LARP7: variants seen among roughly 807,000 people sequenced by gnomAD.
The protein encoded by LARP7 is la-related protein 7.
LARP7 carries 52 observed loss-of-function variants against 69.3 expected under a neutral mutation model. The observed-to-expected ratio is 0.75, with a 90% CI of 0.60 to 0.95. LARP7 has a LOEUF of 0.95. Ranked by LOEUF, LARP7 falls within the 40% of genes least tolerant of loss-of-function variation. The pLI, the probability that LARP7 is intolerant of heterozygous loss-of-function variation, is 0.00. For synonymous variants in LARP7, 254 were observed against 215.9 expected (o/e 1.18, Z -1.55); for missense variants, 733 against 673.0 (o/e 1.09, Z -0.99).
Position 112,654,133 on chromosome 4 carries a change from C to T in LARP7, c.1642C>T (p.Arg548Trp), listed in dbSNP as rs1429060702. ...VDRQAKLNQP[R>W]EKKRGTEKLI... is the part of the protein sequence containing the mutation. ...TAGACAGGCAAAACTTAATCAGCCT[C>T]GGGAAAAGAAAAGAGGCACTGAAAA... The change falls in exon 12 of 13, where the codon CGG (arginine) becomes TGG (tryptophan). Residue 548 changes from arginine to tryptophan, a missense_variant. Coordinates refer to ENST00000344442, the MANE Select transcript of LARP7 (RefSeq NM_016648.4). 3.1e-6 allele frequency: 5 copies of T among 1,613,616 alleles called. No individual in the cohort carries two copies. Among genetic ancestry groups the T allele is most frequent in the South Asian group, 1.1e-5 (1 of 91,074 alleles).
chr4:112,651,783 A>C (rs1320557486), intron 10 of LARP7, among the ~76,000 whole-genome samples: 1 of 152,194 alleles, frequency 6.6e-6, no homozygotes, highest in Non-Finnish European at 1.5e-5. Flanking sequence ...GTTTTAAATC[A>C]AGAGATTAGC....
Position 112,647,531 on chromosome 4 carries a change from G to T in LARP7, c.979G>T (p.Ala327Ser). 1 of 1,603,444 alleles carries T rather than the reference G, an allele frequency of 6.2e-7. No individual in the cohort carries two copies. Among genetic ancestry groups the T allele is most frequent in the Non-Finnish European group, 8.5e-7 (1 of 1,176,146 alleles). ...QKDIIKEASE[A>S]SKENRDIEIS... The stretch of plus-strand genomic sequence containing the variant: ...AGACATCATTAAGGAAGCATCAGAA[G>T]CTTCCAAGGAAAATAGAGGTAAAAC... Residue 327 changes from alanine to serine, a missense_variant, in exon 7 of 13, where the codon GCT becomes TCT. Ala to Ser is a moderately conservative substitution (Grantham distance 99). Coordinates refer to ENST00000344442, the MANE Select transcript of LARP7 (RefSeq NM_016648.4).
intron 1 of LARP7, among the ~76,000 whole-genome samples, chr4:112,639,520 G>A (rs749984927): frequency 2.0e-5 from 3 of 151,874 alleles, no homozygotes; most frequent in East Asian, 1.9e-4. Flanking sequence ...GTGAGCCACC[G>A]CGCCTGGCCA....
intron 12 of LARP7, 63 bp downstream of exon 12, chr4:112,654,222 G>T: frequency 9.2e-7 from 1 of 1,086,246 alleles, no homozygotes; most frequent in Admixed American, 1.9e-5. Context: ...GCCAAAGTCA[G>T]TACTAGGTAG....
rs780254262 is a variant in LARP7, at chr4:112,644,863, G to A, written c.194G>A (p.Arg65Lys). 2 of 1,567,250 alleles carry A rather than the reference G, an allele frequency of 1.3e-6. No individual in the cohort carries two copies. The highest frequency in any genetic ancestry group is 1.8e-5 in the Admixed American group (1 of 56,654). ...CTTCGAGAACAGATAGAAAAATCTA[G>A]AGATGGATGTAAGTTTGCTTCAGTA... Reference protein sequence around the residue: ...RFLREQIEKSRDGYVDISLLV... With the variant: ...RFLREQIEKSKDGYVDISLLV... The change falls in exon 2 of 13, where the codon AGA (arginine) becomes AAA (lysine). Residue 65 changes from arginine to lysine, a missense_variant. Transcript: ENST00000344442.
In LARP7 at chr4:112,652,295, C is replaced by T. The variant is rs571840993; in HGVS notation, c.1417-782C>T. Among the ~76,000 whole-genome samples, 213 of 87,352 alleles carry T rather than the reference C, an allele frequency of 2.4e-3. 3 individuals carry two copies. Among genetic ancestry groups the T allele is most frequent in the Middle Eastern group, 0.014 (2 of 148 alleles). 57.3% of individuals were successfully genotyped at this position (87,352 alleles called of 152,430 possible). A position where few individuals can be genotyped will look rare whatever the true frequency, so the allele number is the denominator to read the frequency against. On this transcript the variant is annotated intron_variant, in intron 10 of 12. Transcript: ENST00000344442. Reference sequence around the variant, plus strand: ...AGGGAGGCAAGATAAATAAGATTTCCCCCCCCCCCCCATTTAGCAATCTCC... The same window carrying T: ...AGGGAGGCAAGATAAATAAGATTTCTCCCCCCCCCCCATTTAGCAATCTCC...
Position 112,649,606 on chromosome 4 carries a change from C to A in LARP7, c.1214C>A (p.Thr405Lys). 1 of 1,606,028 alleles carries A rather than the reference C, an allele frequency of 6.2e-7. No homozygotes were observed. Among genetic ancestry groups the A allele is most frequent in the Non-Finnish European group, 8.5e-7 (1 of 1,175,528 alleles). ...QKASMASLKKTISQIKSESEM... is the reference protein window; with the variant it reads ...QKASMASLKKKISQIKSESEM... The stretch of plus-strand genomic sequence containing the variant: ...GCTAGCATGGCTTCTTTAAAAAAAA[C>A]AATATCCCAAATAAAATCAGAGTCA... The change falls in exon 9 of 13, where the codon ACA (threonine) becomes AAA (lysine). Residue 405 changes from threonine (T) to lysine (K), a missense_variant. Physicochemically the swap from Thr to Lys is moderately conservative, Grantham distance 78. Transcript: ENST00000344442.
chr4:112,649,112 T>A (rs2149274638), intron 8 of LARP7, among the ~76,000 whole-genome samples: 1 of 152,294 alleles, frequency 6.6e-6, no homozygotes, highest in South Asian at 2.1e-4. Flanking sequence ...CGGGGTGTTT[T>A]GTTCTACTTA....
At chr4:112,644,970 G>A (rs1417016522) in intron 2 of LARP7, 99 bp downstream of exon 2, 1 of 192,180 alleles carries the variant, frequency 5.2e-6, no homozygotes. Context: ...TTTTTGAGTT[G>A]GAGTCTTGCT....
intron 2 of LARP7, chr4:112,645,764 TACCTTC>T (rs1453023249): frequency 1.7e-5 from 6 of 361,206 alleles, no homozygotes; most frequent in Non-Finnish European, 3.3e-5. Flanking sequence ...TCAAGAGATT[TACCTTC>T]ACCCCTGAAT....
At position 112,647,191 on chromosome 4, in the gene LARP7, T is replaced by C. The variant is rs751808260; in HGVS notation, c.647-8T>C. The stretch of plus-strand genomic sequence containing the variant: ...TAAGATGAACTAATAATGATGGCAC[T>C]TTTACAGAAGAGAAGAAAAAGAAAA... On this transcript the variant is annotated splice_polypyrimidine_tract_variant and splice_region_variant and intron_variant, in intron 6 of 12. Coordinates refer to ENST00000344442, the MANE Select transcript of LARP7 (RefSeq NM_016648.4). 8.2e-6 allele frequency: 13 copies of C among 1,589,666 alleles called. No homozygotes were observed. The Admixed American group carries it at 2.3e-4, about 28-fold the overall frequency.
At chr4:112,649,161 A>G (rs2048576225) in intron 8 of LARP7, among the ~76,000 whole-genome samples, 1 of 152,132 alleles carries the variant, frequency 6.6e-6, no homozygotes, top group Admixed American at 6.6e-5. Flanking sequence ...AAGGAATGTT[A>G]TCTCTCAAAT....
chr4:112,651,480 T>C lies in LARP7; in HGVS notation c.1416+898T>C, dbSNP rs947442058. On this transcript the variant is annotated intron_variant, in intron 10 of 12. Coordinates refer to ENST00000344442, the MANE Select transcript of LARP7 (RefSeq NM_016648.4). ...CAGGAGACAGCTGAAAATTGAGGGATGTAAATACTGCTCTGATTAATCAGA... is the reference window on the plus strand; with the variant it reads ...CAGGAGACAGCTGAAAATTGAGGGACGTAAATACTGCTCTGATTAATCAGA... Among the ~76,000 whole-genome samples the C allele has an allele frequency of 5.3e-5, 8 of 152,312 alleles. No individual in the cohort carries two copies. In the South Asian group the frequency reaches 1.2e-3, roughly 24 times the overall value.
chr4:112,646,723 A>G, intron 4 of LARP7, 52 bp downstream of exon 4: 1 of 1,551,056 alleles, frequency 6.4e-7, no homozygotes, highest in Non-Finnish European at 8.7e-7. Flanking sequence ...GAAACAATAT[A>G]ATTAAGTTAA....
At chr4:112,639,253 A>G (rs1327445846) in intron 1 of LARP7, among the ~76,000 whole-genome samples, 5 of 132,490 alleles carry the variant, frequency 3.8e-5, no homozygotes, top group African/African-American at 1.5e-4. Flanking sequence ...CCTGCCGCCC[A>G]GGTTGGAGTG....
At position 112,657,327 on chromosome 4, in the gene LARP7, A is replaced by G. The variant is rs1369117971; in HGVS notation, c.1749A>G (p.Ter583TrpextTer8). Residue 583 changes from the stop codon to tryptophan (W), a stop_lost, in exon 13 of 13, where the codon TGA (stop) becomes TGG (tryptophan). Transcript: ENST00000344442. ...ATATAAGATTTTCTGAATATGATTG[A>G]AAAAAAAAACAGTTCACCTCTTAAT... ...SKHIRFSEYD* is the reference protein window; with the variant it reads ...SKHIRFSEYDW 1.7e-5 allele frequency: 25 copies of G among 1,451,398 alleles called. No individual in the cohort carries two copies. Among genetic ancestry groups the G allele is most frequent in the Non-Finnish European group, 2.2e-5 (24 of 1,067,036 alleles). The allele number at this position is 1,451,398 out of a possible 1,614,324, so 89.9% of individuals were successfully genotyped here.
At chr4:112,637,865 A>C (rs1390522711) in intron 1 of LARP7, 1 of 152,264 alleles carries the variant, frequency 6.6e-6, no homozygotes. Flanking sequence ...AGCAGAACAC[A>C]CAGGCCACTA....
chr4:112,650,509 G>A lies in LARP7; in HGVS notation c.1343G>A (p.Gly448Glu), dbSNP rs760956381. ...CRTQEKVNAT[G>E]PQFVSGVIVK... ...ACCCAGGAGAAAGTTAATGCAACAG[G>A]ACCACAGTTCGTGAGTGGAGTGATT... The change falls in exon 10 of 13, where the codon GGA (glycine) becomes GAA (glutamate). Residue 448 changes from glycine (G) to glutamate (E), a missense_variant. Physicochemically the swap from Gly to Glu is moderately conservative, Grantham distance 98. Transcript: ENST00000344442. The A allele has an allele frequency of 6.2e-7, 1 of 1,613,776 alleles. No individual in the cohort carries two copies. Among genetic ancestry groups the A allele is most frequent in the South Asian group, 1.1e-5 (1 of 91,056 alleles).
intron 10 of LARP7, among the ~76,000 whole-genome samples, chr4:112,652,297 C>T (rs551194453): frequency 2.2e-5 from 3 of 133,638 alleles, no homozygotes; most frequent in African/African-American, 8.2e-5. Flanking sequence ...AAGATTTCCC[C>T]CCCCCCCCCA....
Sources: gnomAD v4.1 joint callset for allele counts (sites outside exome capture counted in the v4.1 genomes callset) on GRCh38, gnomAD v4.1.1 for gene constraint, MANE v1.5 for transcripts, NCBI Gene and HGNC (gene_info 2026-07-23, HGNC 2026-07-21) for gene names.